EPHA3: variants seen among roughly 807,000 people sequenced by gnomAD.
EPHA3 encodes EPH receptor A3.
Under a neutral mutation model 107.1 loss-of-function variants are expected in EPHA3, and 42 were observed. The ratio of observed to expected loss-of-function variants is 0.39; its 90% CI spans 0.31 to 0.51. The LOEUF is 0.51. Among genes scored for constraint, EPHA3 ranks in the 20% least tolerant of loss-of-function variants. EPHA3 has a pLI of 0.78. For missense variants in EPHA3, 1,183 were observed against 1,211.2 expected, an observed-to-expected ratio of 0.98 and a Z score of 0.35; for synonymous variants, 461 against 424.8, an observed-to-expected ratio of 1.09 and a Z score of -1.05.
intron 6 of EPHA3, 90 bp from the exon 7 acceptor site, chr3:89,399,228 A>C: frequency 8.6e-7 from 1 of 1,161,546 alleles, no homozygotes; most frequent in Non-Finnish European, 1.2e-6. Flanking sequence ...TAAAATATAA[A>C]AGAATCAGGT....
chr3:89,267,407 A>T (rs1301861419), intron 3 of EPHA3, among the ~76,000 whole-genome samples: 2 of 152,054 alleles, frequency 1.3e-5, no homozygotes, highest in East Asian at 1.9e-4. Context: ...TTCAGATGTT[A>T]CTCTCTCAGG....
At chr3:89,385,237 TA>T (rs1385950125) in intron 5 of EPHA3, among the ~76,000 whole-genome samples, 1 of 152,210 alleles carries the variant, frequency 6.6e-6, no homozygotes, top group African/African-American at 2.4e-5. Flanking sequence ...AAGTGGACAA[TA>T]AGAGTTTTAA....
In EPHA3 at chr3:89,427,841, A is replaced by G. The variant is rs191128913; in HGVS notation, c.2075-1265A>G. Among the ~76,000 whole-genome samples, 123 of 152,066 alleles carry G rather than the reference A, an allele frequency of 8.1e-4. No individual in the cohort carries two copies. The East Asian group carries it at 0.014, about 17-fold the overall frequency. ...AATGTCAAGTACCTAATGCAATGTT[A>G]CATAATTCTAATCATGAAAAAAAAA... On this transcript the variant is annotated intron_variant, in intron 11 of 16. Transcript: ENST00000336596.
chr3:89,421,651 T>C (rs1709355662), intron 11 of EPHA3, among the ~76,000 whole-genome samples: 1 of 151,326 alleles, frequency 6.6e-6, no homozygotes, highest in African/African-American at 2.4e-5. Flanking sequence ...ATGAGTTGAT[T>C]TTTTTGTTTC....
At chr3:89,169,777 T>C (rs1705167933) in intron 2 of EPHA3, among the ~76,000 whole-genome samples, 1 of 152,226 alleles carries the variant, frequency 6.6e-6, no homozygotes, top group African/African-American at 2.4e-5. Context: ...TCAGTTTTAC[T>C]GGGATGTATG....
intron 3 of EPHA3, among the ~76,000 whole-genome samples, chr3:89,333,776 A>G (rs1285874872): frequency 1.3e-5 from 2 of 152,032 alleles, no homozygotes; most frequent in Non-Finnish European, 2.9e-5. Flanking sequence ...GGAGGCTGAG[A>G]TAGGAGAACT....
intron 3 of EPHA3, among the ~76,000 whole-genome samples, chr3:89,211,202 T>C (rs1704072021): frequency 6.6e-6 from 1 of 152,070 alleles, no homozygotes; most frequent in African/African-American, 2.4e-5. Context: ...TAATATAATA[T>C]CACAGAACTA....
chr3:89,207,435 G>A (rs1174483636), intron 2 of EPHA3, among the ~76,000 whole-genome samples: 3 of 152,218 alleles, frequency 2.0e-5, no homozygotes, highest in South Asian at 2.1e-4. Context: ...GACCTCATGC[G>A]ATGGACCAAT....
Position 89,479,555 on chromosome 3 carries a change from C to T in EPHA3, c.*53C>T, listed in dbSNP as rs2107581859. On this transcript the variant is annotated 3_prime_UTR_variant, in exon 17 of 17. Coordinates refer to ENST00000336596, the MANE Select transcript of EPHA3 (RefSeq NM_005233.6). ...GAAGTGGTGGCTGTGGAAGGCGTAG[C>T]ATCATCCTGCAGACAGACAATAATT... The T allele has an allele frequency of 5.2e-6, 7 of 1,350,058 alleles. No homozygotes were observed. The highest frequency in any genetic ancestry group is 7.4e-6 in the Non-Finnish European group (7 of 943,094). 83.6% of individuals were successfully genotyped at this position (1,350,058 alleles called of 1,614,324 possible).
intron 2 of EPHA3, among the ~76,000 whole-genome samples, chr3:89,188,131 A>C (rs1705617427): frequency 6.6e-6 from 1 of 152,228 alleles, no homozygotes. Context: ...GATGACAATA[A>C]ATGGATACAT....
chr3:89,115,416 T>C (rs1187005945), intron 1 of EPHA3, among the ~76,000 whole-genome samples: 2 of 152,104 alleles, frequency 1.3e-5, no homozygotes, highest in Non-Finnish European at 2.9e-5. Flanking sequence ...TAAAACAGGA[T>C]TTTTCCTCTT....
chr3:89,402,712 T>G (rs1270392688), intron 7 of EPHA3, among the ~76,000 whole-genome samples: 3 of 152,170 alleles, frequency 2.0e-5, no homozygotes, highest in African/African-American at 2.4e-5. Flanking sequence ...TTATTCTTTT[T>G]TGAGACCAAG....
chr3:89,109,061 A>G (rs1228790222), intron 1 of EPHA3, among the ~76,000 whole-genome samples: 1 of 152,128 alleles, frequency 6.6e-6, no homozygotes, highest in Non-Finnish European at 1.5e-5. Flanking sequence ...AAATGTAATA[A>G]CTGCCTGATA....
chr3:89,417,016 CAG>C lies in EPHA3; in HGVS notation c.1889-2187_1889-2186del, dbSNP rs1407388339. On this transcript the variant is annotated intron_variant, in intron 10 of 16. Coordinates refer to ENST00000336596, the MANE Select transcript of EPHA3 (RefSeq NM_005233.6). ...TATTCATTTGTCAGTTTGATTTAAA[CAG>C]AAACTCTTAAAGGGTAGTTAGGCAA... 4.0e-5 allele frequency among the ~76,000 whole-genome samples: 6 copies of C among 151,550 alleles called. No homozygotes were observed. In the East Asian group the frequency reaches 9.8e-4, roughly 25 times the overall value.
chr3:89,233,972 T>C (rs113521898), intron 3 of EPHA3, among the ~76,000 whole-genome samples: 3 of 152,204 alleles, frequency 2.0e-5, no homozygotes, highest in Admixed American at 6.5e-5. Context: ...GGGCTTGCAG[T>C]TAAAGTGGGT....
intron 5 of EPHA3, among the ~76,000 whole-genome samples, chr3:89,389,346 A>C (rs528739179): frequency 5.9e-5 from 9 of 152,188 alleles, no homozygotes; most frequent in Non-Finnish European, 1.2e-4. Flanking sequence ...ATAAGAGACT[A>C]ATGCTTTTAA....
chr3:89,386,361 C>T (rs1371516930), intron 5 of EPHA3, among the ~76,000 whole-genome samples: 1 of 152,156 alleles, frequency 6.6e-6, no homozygotes, highest in Non-Finnish European at 1.5e-5. Context: ...GACTTGTTGT[C>T]CTGTGTCCCA....
chr3:89,156,895 A>T (rs536709845), intron 2 of EPHA3, among the ~76,000 whole-genome samples: 3 of 151,710 alleles, frequency 2.0e-5, no homozygotes, highest in Admixed American at 6.6e-5. Context: ...TTTTTGGAAA[A>T]AAAAATGTAA....
chr3:89,412,782 T>C (rs564808359), intron 9 of EPHA3, among the ~76,000 whole-genome samples: 4 of 151,916 alleles, frequency 2.6e-5, no homozygotes, highest in African/African-American at 9.6e-5. Context: ...AAATATGCAA[T>C]AGCATAATGG....
Sources: allele counts gnomAD v4.1 joint callset (sites outside exome capture counted in the v4.1 genomes callset), GRCh38; gene constraint gnomAD v4.1.1; transcripts MANE v1.5; gene names NCBI Gene and HGNC (gene_info 2026-07-23, HGNC 2026-07-21).